FCGR2B: variants seen among roughly 807,000 people sequenced by gnomAD.
FCGR2B encodes the protein low affinity immunoglobulin gamma Fc region receptor II-b.
In FCGR2B, 18 loss-of-function variants were observed where a neutral mutation model predicts 24.8. That is an observed-to-expected ratio of 0.73 (90% CI 0.50 to 1.08). The LOEUF is 1.08. Among genes scored for constraint, FCGR2B ranks in the 50% least tolerant of loss-of-function variants. The probability of loss-of-function intolerance (pLI) is 0.00; values close to 1 mark genes in which losing one functional copy is unlikely to be tolerated. For synonymous variants in FCGR2B, 79 were observed against 109.8 expected (o/e 0.72, Z 1.75); for missense variants, 215 against 297.6 (o/e 0.72, Z 2.04).
chr1:161,677,261 A>G (rs925983936), intron 6 of FCGR2B, 67 bp from the exon 7 acceptor site: 12 of 1,513,002 alleles, frequency 7.9e-6, no homozygotes, highest in East Asian at 2.3e-5. Flanking sequence ...TTGCAGCCTC[A>G]GCATCAGCAC....
chr1:161,647,510 A>T, the FCGR2B span, among the ~76,000 whole-genome samples: 2 of 150,360 alleles, frequency 1.3e-5, no homozygotes, highest in African/African-American at 4.9e-5. Context: ...CATGTTGGCC[A>T]GGCTGGTCTT....
In FCGR2B at chr1:161,677,524, G is replaced by A. The variant is rs770992182; in HGVS notation, c.904G>A (p.Glu302Lys). The change falls in exon 8 of 8, where the codon GAA (glutamate) becomes AAA (lysine). Residue 302 changes from glutamate (E) to lysine (K), a missense_variant. Physicochemically the swap from Glu to Lys is moderately conservative, Grantham distance 56. Coordinates refer to ENST00000358671, the MANE Select transcript of FCGR2B (RefSeq NM_001394477.1). Reference sequence around the variant, plus strand: ...ACTTCTCATGCACCCGGATGCTCTGGAAGAGCCTGATGACCAGAACCGTAT... The same window carrying A: ...ACTTCTCATGCACCCGGATGCTCTGAAAGAGCCTGATGACCAGAACCGTAT... ...YSLLMHPDAL[E>K]EPDDQNRI 3.1e-6 allele frequency: 5 copies of A among 1,613,802 alleles called. No individual in the cohort carries two copies. The highest frequency in any genetic ancestry group is 1.1e-5 in the South Asian group (1 of 91,058).
At chr1:161,675,155 G>A in intron 5 of FCGR2B, 102 bp from the exon 6 acceptor site, 1 of 753,248 alleles carries the variant, frequency 1.3e-6, no homozygotes, top group Non-Finnish European at 2.2e-6. Flanking sequence ...CTGCCAGAGT[G>A]AAGGCCTGAG....
chr1:161,653,674 G>A, the FCGR2B span, among the ~76,000 whole-genome samples: 20 of 133,288 alleles, frequency 1.5e-4, no homozygotes, highest in East Asian at 3.8e-3. Context: ...AATAGACTCA[G>A]TTAAACAATG....
intron 6 of FCGR2B, chr1:161,676,061 G>A (rs1682101598): frequency 4.3e-6 from 1 of 231,470 alleles, no homozygotes; most frequent in Non-Finnish European, 8.6e-6. Context: ...GAGAACCAGG[G>A]GCCACCCAAG....
At chr1:161,672,553 T>C (rs1681759074) in intron 3 of FCGR2B, 2 of 267,014 alleles carry the variant, frequency 7.5e-6, no homozygotes, top group African/African-American at 2.2e-5. Context: ...TATGTCCTTA[T>C]CATATGCGGA....
chr1:161,677,659 C>T lies in FCGR2B; in HGVS notation c.*106C>T, dbSNP rs1682262330. The T allele has an allele frequency of 1.1e-6, 1 of 881,128 alleles. No individual in the cohort carries two copies. 54.6% of individuals were successfully genotyped at this position (881,128 alleles called of 1,614,324 possible). ...GGAGGACAGGGAGATGCTGCAGTTC[C>T]AAAAGAGAAGGTTTCTTCCAGAGTC... is the stretch of plus-strand genomic sequence containing the variant. On this transcript the variant is annotated 3_prime_UTR_variant, in exon 8 of 8. Coordinates refer to ENST00000358671, the MANE Select transcript of FCGR2B (RefSeq NM_001394477.1).
intron 6 of FCGR2B, chr1:161,676,132 C>G (rs1184650911): frequency 3.9e-5 from 9 of 229,758 alleles, no homozygotes; most frequent in Non-Finnish European, 6.9e-5. Flanking sequence ...AACTTCCAGA[C>G]TGTAGTTAAA....
At chr1:161,654,146 C>T in the FCGR2B span, among the ~76,000 whole-genome samples, 1 of 132,400 alleles carries the variant, frequency 7.6e-6, no homozygotes, top group Non-Finnish European at 1.8e-5. Flanking sequence ...GCAATAGCCG[C>T]TGTTCTTATT....
At chr1:161,649,067 A>C in the FCGR2B span, among the ~76,000 whole-genome samples, 1 of 150,988 alleles carries the variant, frequency 6.6e-6, no homozygotes, top group South Asian at 2.1e-4. Flanking sequence ...TGCATTCTAC[A>C]GAAAACCTTT....
chr1:161,655,960 A>G, the FCGR2B span, among the ~76,000 whole-genome samples: 1 of 115,294 alleles, frequency 8.7e-6, no homozygotes, highest in Non-Finnish European at 2.0e-5. Context: ...GGTTCAAGCA[A>G]TTCTCCTGTC....
In FCGR2B at chr1:161,671,249, C is replaced by T. The variant is rs1445889698; in HGVS notation, c.134-143C>T. On this transcript the variant is annotated intron_variant, in intron 2 of 7. Transcript: ENST00000358671. The stretch of plus-strand genomic sequence containing the variant: ...GGGATGTATGAGCAAAAGCAACTGC[C>T]TTCAGTTGCAGAACCATTCTGGGCC... 2.6e-5 allele frequency: 36 copies of T among 1,388,754 alleles called. No individual in the cohort carries two copies. In the South Asian group the frequency reaches 4.1e-4, roughly 16 times the overall value. The allele number at this position is 1,388,754 out of a possible 1,614,324, so 86.0% of individuals were successfully genotyped here. A position where few individuals can be genotyped will look rare whatever the true frequency, so the allele number is the denominator to read the frequency against.
At chr1:161,673,570 G>A (rs562961130) in intron 4 of FCGR2B, 19 of 701,158 alleles carry the variant, frequency 2.7e-5, no homozygotes, top group African/African-American at 2.2e-4. Context: ...TTCTTCTCAT[G>A]GCTCATGTTA....
chr1:161,678,261 TCAA>T lies in FCGR2B; in HGVS notation c.*714_*716del, dbSNP rs1186789213. ...CACGCACCACATAATGATGTTTAGT[TCAA>T]CAACAGACTGCATATATGATGGTGA... On this transcript the variant is annotated 3_prime_UTR_variant, in exon 8 of 8. Transcript: ENST00000358671. 4.6e-6 allele frequency: 1 copy of T among 219,412 alleles called. No individual in the cohort carries two copies. The highest frequency in any genetic ancestry group is 2.2e-5 in the African/African-American group (1 of 44,644). 13.6% of individuals were successfully genotyped at this position (219,412 alleles called of 1,614,324 possible).
upstream of FCGR2B, among the ~76,000 whole-genome samples, chr1:161,661,242 GAAA>G (rs1557895164): frequency 8.4e-3 from 613 of 72,914 alleles, 76 homozygotes; most frequent in African/African-American, 0.021. Context: ...AAGAAAGAAA[GAAA>G]GAAAGAAAGA....
At chr1:161,672,949 C>T (rs1280722290) in intron 3 of FCGR2B, 26 bp from the exon 4 acceptor site, 1 of 1,613,436 alleles carries the variant, frequency 6.2e-7, no homozygotes, top group Non-Finnish European at 8.5e-7. Context: ...CCTCCCGGGT[C>T]CTCTGCGGTT....
rs780514609 is a variant in FCGR2B, at chr1:161,678,558, G to A, written c.*1005G>A. 9.4e-6 allele frequency: 2 copies of A among 213,544 alleles called. No homozygotes were observed. Among genetic ancestry groups the A allele is most frequent in the Non-Finnish European group, 1.9e-5 (2 of 105,598 alleles). 13.2% of individuals were successfully genotyped at this position (213,544 alleles called of 1,614,324 possible). On this transcript the variant is annotated 3_prime_UTR_variant, in exon 8 of 8. Coordinates refer to ENST00000358671, the MANE Select transcript of FCGR2B (RefSeq NM_001394477.1). ...AAATGTATCCCCATATTTCAACAATGCATGACTGTACTCTTCTGCCAATGA... is the reference window on the plus strand; with the variant it reads ...AAATGTATCCCCATATTTCAACAATACATGACTGTACTCTTCTGCCAATGA...
At chr1:161,654,771 G>C in the FCGR2B span, among the ~76,000 whole-genome samples, 8 of 137,662 alleles carry the variant, frequency 5.8e-5, no homozygotes, top group Admixed American at 5.9e-4. Context: ...GCCCTCTTTA[G>C]AAACACCTGT....
the FCGR2B span, among the ~76,000 whole-genome samples, chr1:161,648,555 CG>C: frequency 1.3e-5 from 2 of 150,966 alleles, no homozygotes; most frequent in Non-Finnish European, 2.9e-5. Context: ...TGCACACTTA[CG>C]AATTAGCTTA....
Sources: allele counts gnomAD v4.1 joint callset (sites outside exome capture counted in the v4.1 genomes callset), GRCh38; gene constraint gnomAD v4.1.1; transcripts MANE v1.5; gene names NCBI Gene and HGNC (gene_info 2026-07-23, HGNC 2026-07-21).